CNTN5: variants seen among roughly 807,000 people sequenced by gnomAD.
CNTN5 encodes the protein contactin 5, also known as contactin-5.
A neutral mutation model predicts 129.1 loss-of-function variants in CNTN5; 77 were observed. The ratio of observed to expected loss-of-function variants is 0.60; its 90% CI spans 0.50 to 0.72. The LOEUF is 0.72. CNTN5 is among the 30% of genes least tolerant of loss of function. CNTN5 has a pLI of 0.00. For synonymous variants in CNTN5, 509 were observed against 465.6 expected, an observed-to-expected ratio of 1.09 and a Z score of -1.20; for missense variants, 1,478 against 1,328.8, an observed-to-expected ratio of 1.11 and a Z score of -1.75.
chr11:99,869,228 C>T (rs1948437044), intron 6 of CNTN5, among the ~76,000 whole-genome samples: 1 of 151,986 alleles, frequency 6.6e-6, no homozygotes, highest in Non-Finnish European at 1.5e-5. Flanking sequence ...CATACCTGGG[C>T]CTGTGAATTT....
At chr11:99,681,863 A>G (rs1403315962) in intron 3 of CNTN5, among the ~76,000 whole-genome samples, 2 of 152,212 alleles carry the variant, frequency 1.3e-5, no homozygotes, top group Admixed American at 6.5e-5. Context: ...TTTTAAAGAT[A>G]ATTTAAAAAT....
At chr11:99,389,716 T>C (rs1941148487) in intron 2 of CNTN5, among the ~76,000 whole-genome samples, 1 of 152,152 alleles carries the variant, frequency 6.6e-6, no homozygotes, top group Admixed American at 6.6e-5. Flanking sequence ...TTATAAAATG[T>C]CGAAATATAG....
At chr11:99,110,347 C>G (rs1046003435) in intron 1 of CNTN5, among the ~76,000 whole-genome samples, 1 of 152,074 alleles carries the variant, frequency 6.6e-6, no homozygotes, top group African/African-American at 2.4e-5. Flanking sequence ...GCAGTTGTGT[C>G]AGATTGCTGA....
chr11:100,311,234 C>A (rs534241680), intron 21 of CNTN5, among the ~76,000 whole-genome samples: 1 of 151,600 alleles, frequency 6.6e-6, no homozygotes, highest in African/African-American at 2.4e-5. Flanking sequence ...CAGAATTTGA[C>A]AATAAATTAC....
intron 16 of CNTN5, among the ~76,000 whole-genome samples, chr11:100,235,776 T>C (rs1265788100): frequency 6.6e-6 from 1 of 152,166 alleles, no homozygotes; most frequent in African/African-American, 2.4e-5. Context: ...TATATACTGT[T>C]GTCCCATGAT....
chr11:99,217,388 C>T (rs565925224), intron 1 of CNTN5, among the ~76,000 whole-genome samples: 42 of 152,288 alleles, frequency 2.8e-4, no homozygotes, highest in African/African-American at 1.0e-3. Flanking sequence ...GATATCATCT[C>T]ACCTCAGTTA....
intron 2 of CNTN5, among the ~76,000 whole-genome samples, chr11:99,397,762 C>A (rs1443448448): frequency 6.6e-6 from 1 of 151,664 alleles, no homozygotes; most frequent in Non-Finnish European, 1.5e-5. Context: ...TTACATATTT[C>A]CTTCCTCAGT....
At chr11:99,042,562 A>G (rs1175155616) in intron 1 of CNTN5, among the ~76,000 whole-genome samples, 4 of 151,588 alleles carry the variant, frequency 2.6e-5, no homozygotes, top group Admixed American at 6.6e-5. Context: ...TTTTCAGTAG[A>G]GACGGGGTTT....
intron 3 of CNTN5, among the ~76,000 whole-genome samples, chr11:99,597,240 T>G (rs1754399954): frequency 6.6e-6 from 1 of 152,132 alleles, no homozygotes. Flanking sequence ...TCTCACGGAA[T>G]GTTCTTGGTT....
chr11:99,735,912 C>T (rs1943690806), intron 3 of CNTN5, among the ~76,000 whole-genome samples: 1 of 152,052 alleles, frequency 6.6e-6, no homozygotes, highest in African/African-American at 2.4e-5. Context: ...CTTTGTACAC[C>T]TTGACCACCG....
intron 8 of CNTN5, among the ~76,000 whole-genome samples, chr11:99,968,979 A>G (rs981767588): frequency 6.6e-6 from 1 of 152,062 alleles, no homozygotes; most frequent in African/African-American, 2.4e-5. Flanking sequence ...CTTGATATAA[A>G]AATTTAAATT....
intron 3 of CNTN5, among the ~76,000 whole-genome samples, chr11:99,592,894 G>T (rs1950021486): frequency 6.6e-6 from 1 of 152,104 alleles, no homozygotes; most frequent in African/African-American, 2.4e-5. Flanking sequence ...AGGATGTGGA[G>T]CTTAATTGTC....
At chr11:100,198,390 T>C (rs982056217) in intron 15 of CNTN5, among the ~76,000 whole-genome samples, 1 of 148,926 alleles carries the variant, frequency 6.7e-6, no homozygotes, top group Non-Finnish European at 1.5e-5. Context: ...CTAAGATAGA[T>C]GGATACTGTA....
At chr11:99,247,464 T>C (rs1861869584) in intron 1 of CNTN5, among the ~76,000 whole-genome samples, 1 of 151,708 alleles carries the variant, frequency 6.6e-6, no homozygotes, top group East Asian at 1.9e-4. Flanking sequence ...TTATTATTAT[T>C]ATTATTATTA....
intron 1 of CNTN5, among the ~76,000 whole-genome samples, chr11:99,290,919 T>G: frequency 6.6e-6 from 1 of 151,918 alleles, no homozygotes; most frequent in East Asian, 1.9e-4. Flanking sequence ...ACACTATTGT[T>G]ATAGCATAAC....
chr11:99,357,276 C>T (rs1187365377), intron 2 of CNTN5, among the ~76,000 whole-genome samples: 1 of 152,022 alleles, frequency 6.6e-6, no homozygotes, highest in East Asian at 1.9e-4. Context: ...TCAATATTCC[C>T]CTAGTATTCA....
At chr11:99,211,178 C>G (rs376210846) in intron 1 of CNTN5, among the ~76,000 whole-genome samples, 18 of 152,136 alleles carry the variant, frequency 1.2e-4, no homozygotes, top group African/African-American at 4.1e-4. Context: ...ATTTTTGTCT[C>G]AGTTTTCTAT....
chr11:100,094,688 A>G (rs534029234), intron 13 of CNTN5, among the ~76,000 whole-genome samples: 142 of 151,444 alleles, frequency 9.4e-4, no homozygotes, highest in African/African-American at 3.0e-3. Context: ...GAAGAAAGAA[A>G]TGAAGGAAGG....
chr11:99,186,378 TTTTATTGGGCACAGTATTTTCTG>T (rs1189053250), intron 1 of CNTN5, among the ~76,000 whole-genome samples: 1 of 151,984 alleles, frequency 6.6e-6, no homozygotes, highest in African/African-American at 2.4e-5. Flanking sequence ...TCAGCTCTGC[TTTTATTGGGCACAGTATTTTCTG>T]TTTATTGGTA....
Sources: allele counts gnomAD v4.1 joint callset (sites outside exome capture counted in the v4.1 genomes callset), GRCh38; gene constraint gnomAD v4.1.1; transcripts MANE v1.5; gene names NCBI Gene and HGNC (gene_info 2026-07-23, HGNC 2026-07-21).